Variants in WNT2B observed in about 807,000 individuals in gnomAD.
WNT2B encodes protein Wnt-2b.
A neutral mutation model predicts 40.5 loss-of-function variants in WNT2B; 19 were observed. That is an observed-to-expected ratio of 0.47 (90% confidence interval 0.33 to 0.69). The LOEUF is 0.69. Among genes scored for constraint, WNT2B ranks in the 30% least tolerant of loss-of-function variants. The pLI is 0.02. For synonymous variants in WNT2B, 220 were observed against 211.9 expected (o/e 1.04, Z -0.33); for missense variants, 467 against 556.4 (o/e 0.84, Z 1.62).
chr1:112,488,003 A>T (rs962536653), intron 1 of WNT2B, among the ~76,000 whole-genome samples: 3 of 151,814 alleles, frequency 2.0e-5, no homozygotes, highest in African/African-American at 7.3e-5. Flanking sequence ...TTTTTTAAAA[A>T]CAAAATCTGG....
At chr1:112,480,883 C>G (rs1417444856) in intron 1 of WNT2B, among the ~76,000 whole-genome samples, 1 of 151,982 alleles carries the variant, frequency 6.6e-6, no homozygotes. Flanking sequence ...AATTATACAC[C>G]ATAGGCCGGG....
At chr1:112,501,043 T>C (rs950215420) in intron 1 of WNT2B, among the ~76,000 whole-genome samples, 2 of 152,220 alleles carry the variant, frequency 1.3e-5, no homozygotes, top group Non-Finnish European at 2.9e-5. Context: ...TACATTTACT[T>C]GTCGTGTCTC....
At chr1:112,507,539 C>A (rs968042279), upstream of WNT2B, among the ~76,000 whole-genome samples, 13 of 152,186 alleles carry the variant, frequency 8.5e-5, no homozygotes, top group Non-Finnish European at 2.9e-5. Context: ...GCGCTAGGAC[C>A]CGGAGGCGGT....
At chr1:112,467,411 C>T in exon 1 of WNT2B, 1 of 647,876 alleles carries the variant, frequency 1.5e-6, no homozygotes, top group Non-Finnish European at 2.8e-6. Context: ...CTGGCATGGC[C>T]CCTTCCAAAC....
At chr1:112,513,254 G>C (rs1358779733) in intron 1 of WNT2B, among the ~76,000 whole-genome samples, 4 of 152,244 alleles carry the variant, frequency 2.6e-5, no homozygotes, top group Non-Finnish European at 2.9e-5. Context: ...CCACAGCAGT[G>C]GGTGTAACTC....
At chr1:112,467,448 TA>T in exon 1 of WNT2B, 1 of 728,192 alleles carries the variant, frequency 1.4e-6, no homozygotes, top group Non-Finnish European at 2.6e-6. Context: ...AATGTGGTTG[TA>T]AAATTTGCAA....
rs181551693 is a variant in WNT2B, at chr1:112,509,921, C to T, written c.182+477C>T. On this transcript the variant is annotated intron_variant, in intron 1 of 4. Coordinates refer to ENST00000369684, the MANE Select transcript of WNT2B (RefSeq NM_024494.3). This position sits in a 1 kb window ranked among gnomAD's most constrained non-coding sequence, Gnocchi z 4.2. ...GCTTTGGTGAGGCAGCAGCACCCAG[C>T]CGAGGCTTAGAAATGGAATCGAGGC... Among the ~76,000 whole-genome samples, 217 of 152,300 alleles carry T rather than the reference C, an allele frequency of 1.4e-3. No individual in the cohort carries two copies. Among genetic ancestry groups the T allele is most frequent in the Admixed American group, 2.3e-3 (35 of 15,306 alleles).
chr1:112,508,085 G>A (rs1652180309), upstream of WNT2B, among the ~76,000 whole-genome samples: 1 of 152,084 alleles, frequency 6.6e-6, no homozygotes, highest in African/African-American at 2.4e-5. This position sits in a 1 kb window ranked among gnomAD's most constrained non-coding sequence, Gnocchi z 4.2. Context: ...AGAAGACGAA[G>A]GAGGGAAAAA....
rs373973129 is a variant in WNT2B, at chr1:112,509,706, C to A, written c.182+262C>A. On this transcript the variant is annotated intron_variant, in intron 1 of 4. Coordinates refer to ENST00000369684, the MANE Select transcript of WNT2B (RefSeq NM_024494.3). The surrounding 1 kb of genome is among the most constrained non-coding windows in gnomAD (Gnocchi z 4.2). Reference sequence around the variant, plus strand: ...CTCCTTAGGCCTCCACGTGCTGTACCCCCTCTATTTCAGCTCAAGCCCCTT... The same window carrying A: ...CTCCTTAGGCCTCCACGTGCTGTACACCCTCTATTTCAGCTCAAGCCCCTT... 3.3e-5 allele frequency among the ~76,000 whole-genome samples: 5 copies of A among 152,196 alleles called. No individual in the cohort carries two copies. In the East Asian group the frequency reaches 7.7e-4, roughly 23 times the overall value.
At chr1:112,495,557 C>G (rs1216947643) in intron 1 of WNT2B, among the ~76,000 whole-genome samples, 1 of 151,290 alleles carries the variant, frequency 6.6e-6, no homozygotes, top group African/African-American at 2.4e-5. Flanking sequence ...CCACTGCGCT[C>G]CAGCCTGGGT....
rs1653145175 is a variant in WNT2B, at chr1:112,524,717, T to C, written c.*4208T>C. ...GAAAGAGATGCTTCCTTTTCACTCT[T>C]TGCCCTCCCTGTCAGCCTGAGCACA... On this transcript the variant is annotated 3_prime_UTR_variant, in exon 5 of 5. Transcript: ENST00000369684. 2.0e-5 allele frequency: 3 copies of C among 152,256 alleles called. No individual in the cohort carries two copies. The highest frequency in any genetic ancestry group is 7.2e-5 in the African/African-American group (3 of 41,466). 9.4% of individuals were successfully genotyped at this position (152,256 alleles called of 1,614,324 possible).
intron 1 of WNT2B, among the ~76,000 whole-genome samples, chr1:112,476,276 T>C (rs61820466): frequency 0.029 from 4,384 of 152,264 alleles, 104 homozygotes; most frequent in Non-Finnish European, 0.04. Context: ...TCAATATTTA[T>C]GGGACACAGA....
chr1:112,496,034 C>A (rs1651756286), intron 1 of WNT2B, among the ~76,000 whole-genome samples: 1 of 152,162 alleles, frequency 6.6e-6, no homozygotes, highest in African/African-American at 2.4e-5. Flanking sequence ...TAATTACTTC[C>A]CGAAGACCCC....
At chr1:112,473,449 T>TA (rs969242520) in intron 1 of WNT2B, among the ~76,000 whole-genome samples, 22 of 150,796 alleles carry the variant, frequency 1.5e-4, no homozygotes, top group East Asian at 3.9e-4. Context: ...TATCTGAGAT[T>TA]AAAAAAAAAT....
intron 3 of WNT2B, 87 bp from the exon 4 acceptor site, chr1:112,517,034 C>A: frequency 6.5e-7 from 1 of 1,534,240 alleles, no homozygotes; most frequent in Non-Finnish European, 8.8e-7. Context: ...CAGCCTATCT[C>A]AGAGCACTCA....
intron 1 of WNT2B, among the ~76,000 whole-genome samples, chr1:112,512,238 T>C (rs1383161322): frequency 6.6e-6 from 1 of 152,194 alleles, no homozygotes; most frequent in Non-Finnish European, 1.5e-5. Context: ...TCAGAACAGT[T>C]AGGTGTTTAT....
At chr1:112,513,120 T>TAA (rs1195880509) in intron 1 of WNT2B, among the ~76,000 whole-genome samples, 2 of 139,888 alleles carry the variant, frequency 1.4e-5, no homozygotes, top group Non-Finnish European at 3.0e-5. Context: ...CAAGCCCCAT[T>TAA]AAAAAAAAAC....
chr1:112,487,071 T>C (rs1651440460), intron 1 of WNT2B, among the ~76,000 whole-genome samples: 1 of 152,156 alleles, frequency 6.6e-6, no homozygotes, highest in South Asian at 2.1e-4. Flanking sequence ...ATTACCCAAA[T>C]AGCCATCAAC....
rs936090068 is a variant in WNT2B, at chr1:112,524,009, A to C, written c.*3500A>C. 9.9e-5 allele frequency: 15 copies of C among 151,672 alleles called. No homozygotes were observed. Among genetic ancestry groups the C allele is most frequent in the Admixed American group, 7.2e-4 (11 of 15,232 alleles). 9.4% of individuals were successfully genotyped at this position (151,672 alleles called of 1,614,324 possible). A position where few individuals can be genotyped will look rare whatever the true frequency, so the allele number is the denominator to read the frequency against. On this transcript the variant is annotated 3_prime_UTR_variant, in exon 5 of 5. Transcript: ENST00000369684. ...CAGGGGCTTCAGATTAAAAAAAAAAACAAAAAACAAAAAACAAAAACAAAC... is the reference window on the plus strand; with the variant it reads ...CAGGGGCTTCAGATTAAAAAAAAAACCAAAAAACAAAAAACAAAAACAAAC...
Sources: allele counts gnomAD v4.1 joint callset (sites outside exome capture counted in the v4.1 genomes callset), GRCh38; gene constraint gnomAD v4.1.1; non-coding constraint Gnocchi (gnomAD v3.1); transcripts MANE v1.5; gene names NCBI Gene and HGNC (gene_info 2026-07-23, HGNC 2026-07-21).